PHRF1: variants seen among roughly 807,000 people sequenced by gnomAD.
PHRF1 encodes PHD and ring finger domains 1, also known as PHD and RING finger domain-containing protein 1.
PHRF1 carries 53 observed loss-of-function variants against 128.9 expected under a neutral mutation model. The observed-to-expected ratio is 0.41, with a 90% CI of 0.33 to 0.52. The LOEUF (loss-of-function observed/expected upper bound fraction) is 0.52. Ranked by LOEUF, PHRF1 falls within the 20% of genes least tolerant of loss-of-function variation. The probability of loss-of-function intolerance (pLI) is 0.21; values close to 1 mark genes in which losing one functional copy is unlikely to be tolerated. For synonymous variants in PHRF1, 1,178 were observed against 980.6 expected (o/e 1.20, Z -3.76); for missense variants, 2,503 against 2,284.5 (o/e 1.10, Z -1.95).
chr11:592,076 C>T (rs575810417), intron 5 of PHRF1, among the ~76,000 whole-genome samples: 11 of 152,220 alleles, frequency 7.2e-5, no homozygotes, highest in Admixed American at 2.6e-4. Flanking sequence ...CCACCACGCC[C>T]GGCTAATTTT....
At chr11:589,452 GGGAGAAAT>G (rs921893679) in intron 4 of PHRF1, among the ~76,000 whole-genome samples, 11 of 152,306 alleles carry the variant, frequency 7.2e-5, no homozygotes, top group Admixed American at 7.2e-4. Context: ...CTTTGAAAAG[GGGAGAAAT>G]TGCCTACTGG....
chr11:611,074 G>A lies in PHRF1; in HGVS notation c.4798G>A (p.Val1600Met), dbSNP rs1166385717. 1.2e-6 allele frequency: 2 copies of A among 1,612,702 alleles called. No individual in the cohort carries two copies. The highest frequency in any genetic ancestry group is 1.7e-6 in the Non-Finnish European group (2 of 1,179,624). ...GTACAAGGACATCCTGCGCAAGGCC[G>A]TGCAGAAGGTGGGCTGTGTGCGAGC... is the stretch of plus-strand genomic sequence containing the variant. ...EEYKDILRKAVQKICHSKSGE... is the reference protein window; with the variant it reads ...EEYKDILRKAMQKICHSKSGE... The change falls in exon 17 of 18, where the codon GTG becomes ATG. Residue 1600 changes from valine to methionine, a missense_variant. Physicochemically the swap from Val to Met is conservative, Grantham distance 21. Transcript: ENST00000264555.
chr11:605,573 T>C (rs1480212891), intron 11 of PHRF1, 32 bp from the exon 12 acceptor site: 7 of 1,608,448 alleles, frequency 4.4e-6, no homozygotes, highest in Non-Finnish European at 5.9e-6. Context: ...TGGGAGTCAC[T>C]TGTTCCCTTT....
At position 609,525 on chromosome 11, in the gene PHRF1, G is replaced by A. The variant is rs766254276; in HGVS notation, c.4069G>A (p.Ala1357Thr). The A allele has an allele frequency of 4.4e-6, 7 of 1,601,816 alleles. No homozygotes were observed. In the East Asian group the frequency reaches 1.6e-4, roughly 36 times the overall value. The change falls in exon 14 of 18, where the codon GCA (alanine) becomes ACA (threonine). Residue 1357 changes from alanine to threonine, a missense_variant. By Grantham distance (58) the Ala-to-Thr change is moderately conservative (BLOSUM62 0). Coordinates refer to ENST00000264555, the MANE Select transcript of PHRF1 (RefSeq NM_001286581.2). ...GCCGGACGCGGCTGAGAAGGCTGAG[G>A]CACCCAGTTCCCCGGATGTGGCGCC... ...LRPDAAEKAE[A>T]PSSPDVAPAG...
Position 597,052 on chromosome 11 carries a change from A to C in PHRF1, c.718+32A>C, listed in dbSNP as rs762016631. ...ACACTGCTCCCGTCCCAAGGCGCAC[A>C]TGGGCCTTCTCACTGTCCACTCTGC... On this transcript the variant is annotated intron_variant, in intron 7 of 17. Transcript: ENST00000264555. The surrounding 1 kb of genome is among the most constrained non-coding windows in gnomAD (Gnocchi z 6.5). The C allele has an allele frequency of 1.4e-5, 23 of 1,598,700 alleles. No homozygotes were observed. The highest frequency in any genetic ancestry group is 2.0e-5 in the Non-Finnish European group (23 of 1,167,454).
chr11:584,487 G>C (rs890728703), intron 3 of PHRF1, among the ~76,000 whole-genome samples: 1 of 152,170 alleles, frequency 6.6e-6, no homozygotes, highest in East Asian at 1.9e-4. Context: ...GCGTCCAGGG[G>C]AGGGGCAGGC....
rs747692228 is a variant in PHRF1 at position 607,466 on chromosome 11, G to A, written c.2010G>A (p.Ala670=). 1.2e-5 allele frequency: 19 copies of A among 1,612,720 alleles called. No individual in the cohort carries two copies. The highest frequency in any genetic ancestry group is 9.9e-5 in the South Asian group (9 of 91,086). ...SVVPGPPLKP[A]PRRTDISELP... ...TGCCGGGGCCTCCCCTGAAGCCAGC[G>A]CCCAGAAGAACAGACATCTCTGAGC... Residue 670 remains alanine (A), a synonymous_variant, in exon 14 of 18, where the codon GCG becomes GCA. Transcript: ENST00000264555.
rs756117403 is a variant in PHRF1 at position 597,541 on chromosome 11, A to C, written c.865A>C (p.Asn289His). ...SERVRATVNR[N>H]RISTARRVQH... Reference sequence around the variant, plus strand: ...GAGAGTGAGAGCAACCGTGAACCGGAACCGGATCTCCACGGCCAGGAGGGT... The same window carrying C: ...GAGAGTGAGAGCAACCGTGAACCGGCACCGGATCTCCACGGCCAGGAGGGT... The change falls in exon 8 of 18, where the codon AAC becomes CAC. Residue 289 changes from asparagine to histidine, a missense_variant. Physicochemically the swap from Asn to His is moderately conservative, Grantham distance 68. Transcript: ENST00000264555. This position sits in a 1 kb window ranked among gnomAD's most constrained non-coding sequence, Gnocchi z 6.5. 1 of 1,612,208 alleles carries C rather than the reference A, an allele frequency of 6.2e-7. No individual in the cohort carries two copies. The highest frequency in any genetic ancestry group is 1.7e-5 in the Admixed American group (1 of 59,896).
intron 1 of PHRF1, among the ~76,000 whole-genome samples, chr11:580,584 C>G (rs1232898823): frequency 1.3e-5 from 2 of 152,176 alleles, no homozygotes; most frequent in Non-Finnish European, 2.9e-5. Context: ...GGGAGAGCAC[C>G]CTACGTGTCA....
rs528111694 is a variant in PHRF1 at position 594,597 on chromosome 11, G to T, written c.620+1923G>T. Reference sequence around the variant, plus strand: ...CTGCCTCAGCCTCCTCAGTAGCTGGGATTACAGGCACATGCCACCACACCT... The same window carrying T: ...CTGCCTCAGCCTCCTCAGTAGCTGGTATTACAGGCACATGCCACCACACCT... On this transcript the variant is annotated intron_variant, in intron 6 of 17. Transcript: ENST00000264555. Among the ~76,000 whole-genome samples, 3 of 152,224 alleles carry T rather than the reference G, an allele frequency of 2.0e-5. No individual in the cohort carries two copies. The East Asian group carries it at 5.8e-4, about 29-fold the overall frequency.
At position 608,550 on chromosome 11, in the gene PHRF1, T is replaced by C; in HGVS notation, c.3094T>C (p.Ser1032Pro). Reference protein sequence around the residue: ...RSESRDRSSRSASPSVGEERP... With the variant: ...RSESRDRSSRPASPSVGEERP... Reference sequence around the variant, plus strand: ...TGAATCCAGGGACAGGAGCTCGAGGTCAGCGTCACCATCAGTGGGTGAGGA... The same window carrying C: ...TGAATCCAGGGACAGGAGCTCGAGGCCAGCGTCACCATCAGTGGGTGAGGA... Residue 1032 changes from serine to proline, a missense_variant, in exon 14 of 18, where the codon TCA becomes CCA. Physicochemically the swap from Ser to Pro is moderately conservative, Grantham distance 74. Transcript: ENST00000264555. The C allele has an allele frequency of 6.2e-7, 1 of 1,612,104 alleles. No homozygotes were observed. The highest frequency in any genetic ancestry group is 8.5e-7 in the Non-Finnish European group (1 of 1,179,754).
At chr11:580,072 C>T (rs1023212353) in intron 1 of PHRF1, among the ~76,000 whole-genome samples, 3 of 152,202 alleles carry the variant, frequency 2.0e-5, no homozygotes, top group Non-Finnish European at 2.9e-5. Context: ...TTCCTGGCCT[C>T]TTGTGCGATG....
intron 8 of PHRF1, among the ~76,000 whole-genome samples, chr11:598,109 G>A (rs1455113526): frequency 2.0e-5 from 3 of 152,136 alleles, no homozygotes; most frequent in East Asian, 1.9e-4. Flanking sequence ...CAGTACCTGC[G>A]CCACCCCCGC....
chr11:586,888 G>A (rs1281248013), intron 3 of PHRF1, among the ~76,000 whole-genome samples: 3 of 152,130 alleles, frequency 2.0e-5, no homozygotes, highest in Non-Finnish European at 4.4e-5. Context: ...CTGCACTGAG[G>A]GGCTCGCTTG....
intron 17 of PHRF1, 33 bp downstream of exon 17, chr11:611,115 G>A (rs777328517): frequency 2.7e-5 from 43 of 1,610,592 alleles, no homozygotes; most frequent in Middle Eastern, 3.3e-4. Flanking sequence ...TGTGGGGCTC[G>A]GGGTCACGGG....
In PHRF1 at chr11:602,682, AAAAAC is replaced by A. The variant is rs368560706; in HGVS notation, c.1152+1002_1152+1006del. 2.5e-3 allele frequency among the ~76,000 whole-genome samples: 381 copies of A among 152,190 alleles called. 4 individuals carry two copies. Among genetic ancestry groups the A allele is most frequent in the East Asian group, 0.011 (59 of 5,184 alleles). ...GGAGACGAGAGCAAAACTCTGCCTC[AAAAAC>A]AAAACAAAACAAAACAAAACTGAGT... is the stretch of plus-strand genomic sequence containing the variant. On this transcript the variant is annotated intron_variant, in intron 10 of 17. Coordinates refer to ENST00000264555, the MANE Select transcript of PHRF1 (RefSeq NM_001286581.2).
Position 598,361 on chromosome 11 carries a change from C to G in PHRF1, c.895-12C>G, listed in dbSNP as rs368961072. ...CCAAGGGCATCTGACGGCACCACCC[C>G]TTTGCCTGTAGCACACACCAGGGCG... On this transcript the variant is annotated splice_polypyrimidine_tract_variant and intron_variant, in intron 8 of 17. Coordinates refer to ENST00000264555, the MANE Select transcript of PHRF1 (RefSeq NM_001286581.2). 18 of 1,605,696 alleles carry G rather than the reference C, an allele frequency of 1.1e-5. No individual in the cohort carries two copies. The highest frequency in any genetic ancestry group is 1.4e-5 in the Non-Finnish European group (17 of 1,179,142).
chr11:592,791 G>A, intron 6 of PHRF1, 117 bp downstream of exon 6: 1 of 1,125,774 alleles, frequency 8.9e-7, no homozygotes, highest in East Asian at 2.4e-5. Flanking sequence ...CTGGAGCTGT[G>A]CTCACCACCC....
chr11:598,375 C>T lies in PHRF1; in HGVS notation c.897C>T (p.His299=), dbSNP rs780451571. 1.9e-6 allele frequency: 3 copies of T among 1,608,494 alleles called. No homozygotes were observed. The South Asian group carries it at 3.3e-5, about 18-fold the overall frequency. Residue 299 remains histidine, a splice_region_variant and synonymous_variant, in exon 9 of 18, where the codon CAC becomes CAT. Transcript: ENST00000264555. The part of the protein sequence containing the change: ...NRISTARRVQ[H]TPGRLGSSLL... ...CGGCACCACCCCTTTGCCTGTAGCA[C>T]ACACCAGGGCGCCTCGGGTCTTCCC... is the stretch of plus-strand genomic sequence containing the variant.
Sources: allele counts gnomAD v4.1 joint callset (sites outside exome capture counted in the v4.1 genomes callset), GRCh38; gene constraint gnomAD v4.1.1; non-coding constraint Gnocchi (gnomAD v3.1); transcripts MANE v1.5; gene names NCBI Gene and HGNC (gene_info 2026-07-23, HGNC 2026-07-21).